The following SEMA3E variants were observed in gnomAD, a reference collection of about 807,000 sequenced individuals.
The protein encoded by SEMA3E is semaphorin 3E.
A neutral mutation model predicts 93.6 loss-of-function variants in SEMA3E; 49 were observed. The ratio of observed to expected loss-of-function variants is 0.52; its 90% CI spans 0.42 to 0.66. The LOEUF (loss-of-function observed/expected upper bound fraction) is 0.66, where lower values mean the gene tolerates loss of function less well. Among genes scored for constraint, SEMA3E ranks in the 30% least tolerant of loss-of-function variants. The pLI is 0.00. For missense variants in SEMA3E, 906 were observed against 964.8 expected, an observed-to-expected ratio of 0.94 and a Z score of 0.81; for synonymous variants, 363 against 330.7, an observed-to-expected ratio of 1.10 and a Z score of -1.06.
At position 83,367,975 on chromosome 7, in the gene SEMA3E, A is replaced by C. The variant is rs2116892427; in HGVS notation, c.1939T>G (p.Ser647Ala). The C allele has an allele frequency of 1.2e-6, 2 of 1,613,918 alleles. No individual in the cohort carries two copies. The highest frequency in any genetic ancestry group is 1.7e-6 in the Non-Finnish European group (2 of 1,179,918). The stretch of plus-strand genomic sequence containing the variant: ...TGGCAAAAATAGGTCCCAGCATCTG[A>C]TTTGTGTAACCTTAGGAAGAGTAAA... Reference protein sequence around the residue: ...LGLLFLRLHKSDAGTYFCQTV... With the variant: ...LGLLFLRLHKADAGTYFCQTV... Residue 647 changes from serine to alanine, a missense_variant, in exon 17 of 17, where the codon TCA (serine) becomes GCA (alanine). Coordinates refer to ENST00000643230, the MANE Select transcript of SEMA3E (RefSeq NM_012431.3).
intron 14 of SEMA3E, among the ~76,000 whole-genome samples, chr7:83,389,831 T>C (rs1319290607): frequency 4.8e-3 from 67 of 14,012 alleles, no homozygotes; most frequent in Admixed American, 8.6e-3. Context: ...TATATACACG[T>C]ATATATTACA....
chr7:83,480,055 A>T (rs1790114219), intron 2 of SEMA3E, among the ~76,000 whole-genome samples: 1 of 152,218 alleles, frequency 6.6e-6, no homozygotes, highest in South Asian at 2.1e-4. Context: ...CAATGTGGAA[A>T]ATCTTACCAT....
At chr7:83,639,064 TCC>T (rs1793938372) in intron 1 of SEMA3E, among the ~76,000 whole-genome samples, 3 of 119,602 alleles carry the variant, frequency 2.5e-5, no homozygotes, top group Non-Finnish European at 4.8e-5. Context: ...TGAGCCGAGA[TCC>T]CGCCACTGCA....
chr7:83,625,783 C>T (rs991682406), intron 1 of SEMA3E, among the ~76,000 whole-genome samples: 7 of 151,638 alleles, frequency 4.6e-5, no homozygotes, highest in African/African-American at 1.5e-4. Flanking sequence ...TGTCTTGTGC[C>T]GATTTTCAAA....
chr7:83,591,483 CA>C lies in SEMA3E; in HGVS notation c.115+56944del, dbSNP rs527411275. On this transcript the variant is annotated intron_variant, in intron 1 of 16. Coordinates refer to ENST00000643230, the MANE Select transcript of SEMA3E (RefSeq NM_012431.3). Reference sequence around the variant, plus strand: ...TTTACCATAGATGATACAATATTAACAAAAAATAATTTTAGCTACAATTTGG... The same window carrying C: ...TTTACCATAGATGATACAATATTAACAAAAATAATTTTAGCTACAATTTGG... Among the ~76,000 whole-genome samples, 87 of 151,444 alleles carry C rather than the reference CA, an allele frequency of 5.7e-4. 1 individual carries two copies. Among genetic ancestry groups the C allele is most frequent in the Non-Finnish European group, 2.5e-4 (17 of 67,766 alleles).
At chr7:83,469,133 T>C in intron 3 of SEMA3E, 110 bp downstream of exon 3, 3 of 839,582 alleles carry the variant, frequency 3.6e-6, no homozygotes, top group Non-Finnish European at 6.0e-6. Context: ...ATGAACCAAA[T>C]TGCATACATA....
chr7:83,553,386 A>T (rs1400064999), intron 1 of SEMA3E, among the ~76,000 whole-genome samples: 2 of 152,150 alleles, frequency 1.3e-5, no homozygotes, highest in East Asian at 3.9e-4. Flanking sequence ...AACTCCCTAC[A>T]GTCCTCCACT....
chr7:83,393,039 C>CAA (rs59283673), intron 13 of SEMA3E, among the ~76,000 whole-genome samples: 69,811 of 128,516 alleles, frequency 0.54, 20,742 homozygotes, highest in South Asian at 0.66. Flanking sequence ...AACTCCATCT[C>CAA]AAAAAAAAAA....
chr7:83,577,965 A>G (rs1792442944), intron 1 of SEMA3E, among the ~76,000 whole-genome samples: 1 of 152,128 alleles, frequency 6.6e-6, no homozygotes, highest in Non-Finnish European at 1.5e-5. Context: ...AAAGTCATCT[A>G]AAACACATTC....
chr7:83,468,649 C>G (rs1789828288), intron 3 of SEMA3E, among the ~76,000 whole-genome samples: 1 of 152,038 alleles, frequency 6.6e-6, no homozygotes, highest in Non-Finnish European at 1.5e-5. Context: ...AATCAGCTAG[C>G]CACTGCTCGC....
At chr7:83,631,800 A>G (rs536827814) in intron 1 of SEMA3E, among the ~76,000 whole-genome samples, 4 of 152,346 alleles carry the variant, frequency 2.6e-5, no homozygotes, top group African/African-American at 9.6e-5. Flanking sequence ...GCTGACAGCA[A>G]TCAAATAAAA....
chr7:83,514,066 C>T (rs1192170910), intron 1 of SEMA3E, among the ~76,000 whole-genome samples: 1 of 152,068 alleles, frequency 6.6e-6, no homozygotes, highest in Non-Finnish European at 1.5e-5. Context: ...AAACCAAGAT[C>T]GCCACGAGAG....
At position 83,460,713 on chromosome 7, in the gene SEMA3E, G is replaced by A. The variant is rs188487227; in HGVS notation, c.456+5769C>T. ...CTGCACCCCAATCCCTTATTTCTGC[G>A]CCCCGACCTCTTGTATCTCTGTGCC... On this transcript the variant is annotated intron_variant, in intron 4 of 16. Transcript: ENST00000643230. Among the ~76,000 whole-genome samples, 1,176 of 150,286 alleles carry A rather than the reference G, an allele frequency of 7.8e-3. 15 individuals are homozygous for A. The highest frequency in any genetic ancestry group is 0.027 in the African/African-American group (1,091 of 40,806).
intron 4 of SEMA3E, among the ~76,000 whole-genome samples, chr7:83,442,439 T>C (rs1485814976): frequency 8.5e-5 from 13 of 152,196 alleles, no homozygotes; most frequent in Non-Finnish European, 1.8e-4. Context: ...CTACTCACTG[T>C]CCACTTGGCT....
intron 1 of SEMA3E, among the ~76,000 whole-genome samples, chr7:83,569,641 G>A (rs1446081905): frequency 6.6e-6 from 1 of 152,130 alleles, no homozygotes; most frequent in Non-Finnish European, 1.5e-5. Flanking sequence ...AACAAAAAAG[G>A]TCATTGCATA....
chr7:83,475,125 G>A (rs1224439420), intron 2 of SEMA3E, among the ~76,000 whole-genome samples: 4 of 150,864 alleles, frequency 2.7e-5, no homozygotes, highest in South Asian at 2.1e-4. Context: ...AATGCATTAC[G>A]GTTATTACAT....
In SEMA3E at chr7:83,367,565, AC is replaced by A; in HGVS notation, c.*20del. On this transcript the variant is annotated 3_prime_UTR_variant, in exon 17 of 17. Transcript: ENST00000643230. ...TTTCCAAATATAAATTCTTCAAAAG[AC>A]AGTAGATAGTCTCACCCCATCAGGA... 1 of 1,611,150 alleles carries A rather than the reference AC, an allele frequency of 6.2e-7. No homozygotes were observed. Among genetic ancestry groups the A allele is most frequent in the Non-Finnish European group, 8.5e-7 (1 of 1,177,352 alleles).
chr7:83,515,095 A>G (rs1426397351), intron 1 of SEMA3E, among the ~76,000 whole-genome samples: 1 of 152,098 alleles, frequency 6.6e-6, no homozygotes, highest in Non-Finnish European at 1.5e-5. Flanking sequence ...TAAGACGTTA[A>G]ACTAAGCAAC....
intron 1 of SEMA3E, among the ~76,000 whole-genome samples, chr7:83,503,705 T>C (rs73174586): frequency 0.32 from 49,299 of 152,032 alleles, 9,728 homozygotes; most frequent in East Asian, 0.43. Flanking sequence ...CTATAAGCAA[T>C]TGTAATTTGA....
Sources: gnomAD v4.1 joint callset for allele counts (sites outside exome capture counted in the v4.1 genomes callset) on GRCh38, gnomAD v4.1.1 for gene constraint, MANE v1.5 for transcripts, NCBI Gene and HGNC (gene_info 2026-07-23, HGNC 2026-07-21) for gene names.